The following XIRP2 variants were observed in gnomAD, a reference collection of about 807,000 sequenced individuals.
The protein encoded by XIRP2 is xin actin-binding repeat-containing protein 2.
XIRP2 carries 236 observed loss-of-function variants against 277.0 expected under a neutral mutation model. The ratio of observed to expected loss-of-function variants is 0.85; its 90% confidence interval spans 0.77 to 0.95. The LOEUF is 0.95. XIRP2 is among the 40% of genes least tolerant of loss of function. The pLI, the probability that XIRP2 is intolerant of heterozygous loss-of-function variation, is 0.00. For synonymous variants in XIRP2, 1,490 were observed against 1,416.5 expected (o/e 1.05, Z -1.17); for missense variants, 4,640 against 4,157.5 (o/e 1.12, Z -3.19).
At chr2:167,040,069 A>G (rs1688621646) in intron 2 of XIRP2, among the ~76,000 whole-genome samples, 1 of 152,148 alleles carries the variant, frequency 6.6e-6, no homozygotes, top group Non-Finnish European at 1.5e-5. Context: ...ATAAACTGAA[A>G]GGAGATTATC....
intron 3 of XIRP2, among the ~76,000 whole-genome samples, chr2:167,149,436 C>G (rs1400224917): frequency 6.6e-6 from 1 of 152,044 alleles, no homozygotes; most frequent in Non-Finnish European, 1.5e-5. Flanking sequence ...GAATTATGCC[C>G]ATGTAAACAT....
At chr2:167,167,708 C>A (rs886641759) in intron 3 of XIRP2, among the ~76,000 whole-genome samples, 1 of 152,048 alleles carries the variant, frequency 6.6e-6, no homozygotes, top group Non-Finnish European at 1.5e-5. Flanking sequence ...AAACATATAG[C>A]ACATACATAA....
chr2:167,191,313 G>T (rs1693325974), intron 3 of XIRP2, among the ~76,000 whole-genome samples: 1 of 152,040 alleles, frequency 6.6e-6, no homozygotes, highest in Non-Finnish European at 1.5e-5. Context: ...GAAAGCTGAG[G>T]CACGGGAAGA....
chr2:167,242,520 TC>T, intron 8 of XIRP2, 48 bp from the exon 9 acceptor site: 1 of 1,546,556 alleles, frequency 6.5e-7, no homozygotes, highest in Non-Finnish European at 8.7e-7. Flanking sequence ...CTAGGAAGCC[TC>T]TGCCACTACA....
intron 3 of XIRP2, among the ~76,000 whole-genome samples, chr2:167,158,227 A>T (rs1386424113): frequency 6.6e-6 from 1 of 152,234 alleles, no homozygotes; most frequent in African/African-American, 2.4e-5. Context: ...ATATGGTTTT[A>T]TACATATTTT....
At chr2:167,202,462 A>G (rs886608042) in intron 3 of XIRP2, among the ~76,000 whole-genome samples, 3 of 152,198 alleles carry the variant, frequency 2.0e-5, no homozygotes, top group Non-Finnish European at 4.4e-5. Flanking sequence ...AAGTGACAGC[A>G]GGTAGAAATA....
At chr2:167,069,851 C>G (rs1335687156) in intron 2 of XIRP2, among the ~76,000 whole-genome samples, 1 of 152,122 alleles carries the variant, frequency 6.6e-6, no homozygotes, top group Middle Eastern at 3.2e-3. Context: ...TTCCTTCAGA[C>G]AGATGATTTC....
chr2:167,011,039 T>C (rs1687663251), intron 2 of XIRP2, among the ~76,000 whole-genome samples: 1 of 152,082 alleles, frequency 6.6e-6, no homozygotes, highest in African/African-American at 2.4e-5. Context: ...TGACTTCCTC[T>C]TTTCCTAATT....
At position 167,258,984 on chromosome 2, in the gene XIRP2, T is replaced by C. The variant is rs556589672; in HGVS notation, c.*1167T>C. On this transcript the variant is annotated 3_prime_UTR_variant, in exon 11 of 11. Coordinates refer to ENST00000409195, the MANE Select transcript of XIRP2 (RefSeq NM_152381.6). The stretch of plus-strand genomic sequence containing the variant: ...CTTATGGTAAAGGGGGGAAGTTCAA[T>C]CATCTCTCCTGATACAAATCTCTTA... The C allele has an allele frequency of 1.2e-6, 2 of 1,611,726 alleles. No individual in the cohort carries two copies. The highest frequency in any genetic ancestry group is 8.5e-7 in the Non-Finnish European group (1 of 1,178,828).
chr2:167,062,725 T>G (rs1689202856), intron 2 of XIRP2, among the ~76,000 whole-genome samples: 1 of 152,100 alleles, frequency 6.6e-6, no homozygotes, highest in Admixed American at 6.6e-5. Context: ...TTTTTTTCTC[T>G]TGGGTGACTT....
At chr2:166,943,368 G>A (rs1685771678) in intron 2 of XIRP2, among the ~76,000 whole-genome samples, 1 of 152,134 alleles carries the variant, frequency 6.6e-6, no homozygotes, top group Non-Finnish European at 1.5e-5. Flanking sequence ...TCATGAAATG[G>A]CTCTGCTCTC....
intron 2 of XIRP2, among the ~76,000 whole-genome samples, chr2:166,942,349 A>G (rs1336860179): frequency 6.6e-6 from 1 of 152,232 alleles, no homozygotes; most frequent in Non-Finnish European, 1.5e-5. Context: ...AATTTTGTGT[A>G]GCCCACATGC....
rs566251820 is a variant in XIRP2, at chr2:167,146,692, A to G, written c.562+10630A>G. On this transcript the variant is annotated intron_variant, in intron 3 of 10. Coordinates refer to ENST00000409195, the MANE Select transcript of XIRP2 (RefSeq NM_152381.6). ...AGGAAATATTCAAAGACACATGACT[A>G]AACACTTTATAGAACTGAATTTTAA... is the stretch of plus-strand genomic sequence containing the variant. Among the ~76,000 whole-genome samples the G allele has an allele frequency of 3.3e-5, 5 of 152,250 alleles. No homozygotes were observed. In the South Asian group the frequency reaches 1.0e-3, roughly 32 times the overall value.
chr2:166,915,224 C>T (rs1320973927), intron 2 of XIRP2, among the ~76,000 whole-genome samples: 4 of 139,988 alleles, frequency 2.9e-5, no homozygotes, highest in African/African-American at 1.1e-4. Flanking sequence ...TGGCATGAAT[C>T]TGGGAGGTGG....
chr2:167,014,540 G>A lies in XIRP2; in HGVS notation c.408+110650G>A, dbSNP rs184174973. ...ATAAAATTTGAAGAAATCTTTCAGA[G>A]CAAAGAACAAAAATACAAAGAAGTG... On this transcript the variant is annotated intron_variant, in intron 2 of 10. Transcript: ENST00000409195. Among the ~76,000 whole-genome samples, 508 of 151,508 alleles carry A rather than the reference G, an allele frequency of 3.4e-3. 5 individuals are homozygous for A. Among genetic ancestry groups the A allele is most frequent in the Non-Finnish European group, 4.7e-3 (316 of 67,678 alleles).
intron 8 of XIRP2, among the ~76,000 whole-genome samples, chr2:167,242,354 C>T (rs1343658396): frequency 6.6e-6 from 1 of 152,078 alleles, no homozygotes; most frequent in African/African-American, 2.4e-5. Context: ...CATTGAATAG[C>T]AAATATAACT....
At chr2:167,152,151 T>C (rs1692035241) in intron 3 of XIRP2, among the ~76,000 whole-genome samples, 2 of 152,144 alleles carry the variant, frequency 1.3e-5, no homozygotes, top group African/African-American at 2.4e-5. Flanking sequence ...GCATATTGAA[T>C]ATTTTAAGCT....
At chr2:167,146,095 A>G (rs73015970) in intron 3 of XIRP2, among the ~76,000 whole-genome samples, 13,747 of 152,200 alleles carry the variant, frequency 0.09, 1,215 homozygotes, top group African/African-American at 0.23. Flanking sequence ...AGAAGCGAAG[A>G]CAATTTCCAA....
chr2:166,976,249 C>T (rs1351892775), intron 2 of XIRP2, among the ~76,000 whole-genome samples: 1 of 152,080 alleles, frequency 6.6e-6, no homozygotes, highest in Admixed American at 6.5e-5. Flanking sequence ...ATCTGGTTTC[C>T]TCTCTCCCCC....
Sources: gnomAD v4.1 joint callset for allele counts (sites outside exome capture counted in the v4.1 genomes callset) on GRCh38, gnomAD v4.1.1 for gene constraint, MANE v1.5 for transcripts, NCBI Gene and HGNC (gene_info 2026-07-23, HGNC 2026-07-21) for gene names.